Variants in TRIM24 observed in about 807,000 individuals in gnomAD.
TRIM24 encodes tripartite motif containing 24, also known as transcription intermediary factor 1-alpha.
A neutral mutation model predicts 123.9 loss-of-function variants in TRIM24; 29 were observed. The observed-to-expected ratio is 0.23, with a 90% CI of 0.17 to 0.32. The LOEUF is 0.32. Among genes scored for constraint, TRIM24 ranks in the 10% least tolerant of loss-of-function variants. TRIM24 has a pLI of 1.00. For missense variants in TRIM24, 932 were observed against 1,295.3 expected (o/e 0.72, Z 4.31); for synonymous variants, 456 against 461.1 (o/e 0.99, Z 0.14).
intron 1 of TRIM24, among the ~76,000 whole-genome samples, chr7:138,494,562 C>T (rs895876191): frequency 2.0e-5 from 3 of 151,960 alleles, no homozygotes; most frequent in Non-Finnish European, 2.9e-5. Context: ...AGCAAGACCC[C>T]TTCTGTGTTT....
At position 138,585,005 on chromosome 7, in the gene TRIM24, A is replaced by C; in HGVS notation, c.*54A>C. 6.8e-7 allele frequency: 1 copy of C among 1,473,134 alleles called. No homozygotes were observed. Among genetic ancestry groups the C allele is most frequent in the Admixed American group, 2.2e-5 (1 of 45,568 alleles). 91.3% of individuals were successfully genotyped at this position (1,473,134 alleles called of 1,614,324 possible). On this transcript the variant is annotated 3_prime_UTR_variant, in exon 19 of 19. Transcript: ENST00000343526. ...TTTAGATTTTTTTGTTTTCAAAAAA[A>C]CATTTGTCAGTAATTTAACATCACT...
rs1172478099 is a variant in TRIM24 at position 138,460,574 on chromosome 7, T to TGGCGGC, written c.33_38dup (p.Ala14_Ala15dup). On this transcript the variant is annotated inframe_insertion, in exon 1 of 19. Transcript: ENST00000343526. The stretch of plus-strand genomic sequence containing the variant: ...ATGGAGGTGGCGGTGGAGAAGGCGG[T>TGGCGGC]GGCGGCGGCGGCAGCGGCCTCGGCT... 7 of 1,313,902 alleles carry TGGCGGC rather than the reference T, an allele frequency of 5.3e-6. No individual in the cohort carries two copies. The highest frequency in any genetic ancestry group is 2.5e-5 in the South Asian group (1 of 40,472). 81.4% of individuals were successfully genotyped at this position (1,313,902 alleles called of 1,614,324 possible).
chr7:138,487,479 G>A (rs938705866), intron 1 of TRIM24, among the ~76,000 whole-genome samples: 1 of 152,108 alleles, frequency 6.6e-6, no homozygotes, highest in Non-Finnish European at 1.5e-5. Flanking sequence ...TTGACTGTGG[G>A]TTTGTCATAA....
rs1794926168 is a variant in TRIM24 at position 138,460,259 on chromosome 7, G to T, written c.-290G>T. The T allele has an allele frequency of 2.9e-6, 1 of 350,140 alleles. No homozygotes were observed. Among genetic ancestry groups the T allele is most frequent in the Non-Finnish European group, 5.1e-6 (1 of 195,028 alleles). 21.7% of individuals were successfully genotyped at this position (350,140 alleles called of 1,614,324 possible). On this transcript the variant is annotated 5_prime_UTR_variant, in exon 1 of 19. Transcript: ENST00000343526. ...GCGGGGAGGCAAGGGCGGGCTGGGC[G>T]TATTCCACGAGCGCCTCGGCGGTTG...
intron 1 of TRIM24, among the ~76,000 whole-genome samples, chr7:138,471,057 A>C (rs1795262239): frequency 6.6e-6 from 1 of 152,202 alleles, no homozygotes; most frequent in Non-Finnish European, 1.5e-5. Flanking sequence ...ATCTAACCAG[A>C]TCTAACAAGA....
At chr7:138,542,947 C>G (rs1020088049) in intron 7 of TRIM24, among the ~76,000 whole-genome samples, 2 of 152,104 alleles carry the variant, frequency 1.3e-5, no homozygotes, top group African/African-American at 4.8e-5. Context: ...CATCTATACA[C>G]TATATACCTT....
chr7:138,512,136 G>A (rs983045940), intron 2 of TRIM24, among the ~76,000 whole-genome samples: 5 of 152,168 alleles, frequency 3.3e-5, no homozygotes, highest in Non-Finnish European at 5.9e-5. Context: ...GGACACACTG[G>A]TACTAGGGGT....
chr7:138,532,428 A>G (rs1458577525), intron 6 of TRIM24, among the ~76,000 whole-genome samples: 2 of 152,136 alleles, frequency 1.3e-5, no homozygotes, highest in Admixed American at 6.5e-5. Context: ...TCAGCTTTCT[A>G]CATATGGCTA....
intron 1 of TRIM24, among the ~76,000 whole-genome samples, chr7:138,479,546 C>T (rs1162248290): frequency 6.6e-6 from 1 of 152,042 alleles, no homozygotes; most frequent in African/African-American, 2.4e-5. Context: ...GAGTTTTGCT[C>T]TTGTTGCCCA....
rs539904599 is a variant in TRIM24, at chr7:138,494,470, A to G, written c.365-9820A>G. Among the ~76,000 whole-genome samples the G allele has an allele frequency of 2.0e-5, 3 of 152,170 alleles. No homozygotes were observed. In the East Asian group the frequency reaches 5.9e-4, roughly 30 times the overall value. On this transcript the variant is annotated intron_variant, in intron 1 of 18. Transcript: ENST00000343526. ...CTGTGATTAACATGAATGGTGGCTC[A>G]TGCCTGTAATCCCAGCACTTTGGGA...
chr7:138,495,739 T>C (rs979952740), intron 1 of TRIM24, among the ~76,000 whole-genome samples: 16 of 152,196 alleles, frequency 1.1e-4, no homozygotes, highest in African/African-American at 3.6e-4. Flanking sequence ...TGAGCCACCA[T>C]GTCCAGTCTA....
chr7:138,554,928 A>C lies in TRIM24; in HGVS notation c.1492A>C (p.Met498Leu), dbSNP rs1797285193. 13 of 1,614,138 alleles carry C rather than the reference A, an allele frequency of 8.1e-6. No individual in the cohort carries two copies. The highest frequency in any genetic ancestry group is 1.0e-5 in the Non-Finnish European group (12 of 1,179,994). Residue 498 changes from methionine to leucine, a missense_variant, in exon 9 of 19, where the codon ATG becomes CTG. This residue lies in a region of TRIM24 where 527 missense variants were observed against 691.3 expected (regional missense o/e 0.76). Transcript: ENST00000343526. This position sits in a 1 kb window ranked among gnomAD's most constrained non-coding sequence, Gnocchi z 4.5. ...PAPVGLPNPR[M>L]QGPIQQPSIS... ...ACCTGTGGGTTTACCAAACCCTAGA[A>C]TGCAGGGGCCCATCCAGCAACCTTC...
chr7:138,490,015 C>A (rs1335021849), intron 1 of TRIM24, among the ~76,000 whole-genome samples: 2 of 152,216 alleles, frequency 1.3e-5, no homozygotes, highest in Non-Finnish European at 2.9e-5. Flanking sequence ...GGTCTTTTCA[C>A]AAAGTCCCTT....
At chr7:138,498,960 A>G (rs964726596) in intron 1 of TRIM24, among the ~76,000 whole-genome samples, 3 of 152,094 alleles carry the variant, frequency 2.0e-5, no homozygotes, top group Non-Finnish European at 2.9e-5. Flanking sequence ...TTAAATGTCA[A>G]TTGGATCAGG....
chr7:138,544,988 A>G (rs1797072014), intron 7 of TRIM24, among the ~76,000 whole-genome samples: 1 of 152,218 alleles, frequency 6.6e-6, no homozygotes, highest in Admixed American at 6.5e-5. Context: ...GGGAAATTAC[A>G]CACATAAGAA....
intron 2 of TRIM24, among the ~76,000 whole-genome samples, chr7:138,507,562 G>C (rs935736178): frequency 2.0e-5 from 3 of 151,522 alleles, no homozygotes; most frequent in Non-Finnish European, 4.4e-5. Flanking sequence ...ACCTCAGGTG[G>C]TCCACCCACC....
chr7:138,566,372 C>T (rs1358666114), intron 9 of TRIM24, among the ~76,000 whole-genome samples: 1 of 151,974 alleles, frequency 6.6e-6, no homozygotes, highest in African/African-American at 2.4e-5. Flanking sequence ...AAAAATTAGC[C>T]AGGTGTGGTG....
Position 138,570,993 on chromosome 7 carries a change from C to T in TRIM24, c.1868C>T (p.Ser623Phe). The T allele has an allele frequency of 1.2e-6, 2 of 1,613,928 alleles. No individual in the cohort carries two copies. Among genetic ancestry groups the T allele is most frequent in the Non-Finnish European group, 1.7e-6 (2 of 1,179,898 alleles). Residue 623 changes from serine (S) to phenylalanine (F), a missense_variant, in exon 11 of 19, where the codon TCT (serine) becomes TTT (phenylalanine). Ser to Phe is a radical substitution (Grantham distance 155, BLOSUM62 -2). Coordinates refer to ENST00000343526, the MANE Select transcript of TRIM24 (RefSeq NM_015905.3). ...GTGGGAGGGTCTTATAATCTTCCCT[C>T]TCTTCCGGATGTAAGTAGACACAAA... is the stretch of plus-strand genomic sequence containing the variant. The part of the protein sequence containing the change: ...SPVGGSYNLP[S>F]LPDIDCSSTI...
chr7:138,511,395 G>C (rs1796285229), intron 2 of TRIM24, among the ~76,000 whole-genome samples: 1 of 151,702 alleles, frequency 6.6e-6, no homozygotes, highest in African/African-American at 2.4e-5. Flanking sequence ...CTGCCTCCCA[G>C]GTTCAAGCGA....
Sources: allele counts gnomAD v4.1 joint callset (sites outside exome capture counted in the v4.1 genomes callset), GRCh38; gene constraint gnomAD v4.1.1; regional missense constraint gnomAD v4.1.1; non-coding constraint Gnocchi (gnomAD v3.1); transcripts MANE v1.5; gene names NCBI Gene and HGNC (gene_info 2026-07-23, HGNC 2026-07-21).